The following KLF12 variants were observed in gnomAD, a reference collection of about 807,000 sequenced individuals.
KLF12 encodes KLF transcription factor 12.
KLF12 carries 9 observed loss-of-function variants against 37.8 expected under a neutral mutation model. That is an observed-to-expected ratio of 0.24 (90% CI 0.14 to 0.42). The LOEUF (loss-of-function observed/expected upper bound fraction) is 0.42, where lower values mean the gene tolerates loss of function less well. Ranked by LOEUF, KLF12 falls within the 10% of genes least tolerant of loss-of-function variation. The probability of loss-of-function intolerance (pLI) is 1.00; values close to 1 mark genes in which losing one functional copy is unlikely to be tolerated. For synonymous variants in KLF12, 208 were observed against 202.1 expected, an observed-to-expected ratio of 1.03 and a Z score of -0.25; for missense variants, 411 against 516.0, an observed-to-expected ratio of 0.80 and a Z score of 1.97.
At position 73,688,627 on chromosome 13, in the gene KLF12, C is replaced by A. The variant is rs957018167; in HGVS notation, c.*6863G>T. ...ACATTTATGAGAAAAGTGACAAGTT[C>A]GGGGAGACAACTGGTTGCTATTGTT... On this transcript the variant is annotated 3_prime_UTR_variant, in exon 8 of 8. Coordinates refer to ENST00000377669, the MANE Select transcript of KLF12 (RefSeq NM_007249.5). 1.3e-5 allele frequency: 2 copies of A among 152,128 alleles called. No individual in the cohort carries two copies. The highest frequency in any genetic ancestry group is 4.8e-5 in the African/African-American group (2 of 41,428). 9.4% of individuals were successfully genotyped at this position (152,128 alleles called of 1,614,324 possible).
chr13:74,179,866 A>T, the KLF12 span, among the ~76,000 whole-genome samples: 1 of 152,204 alleles, frequency 6.6e-6, no homozygotes, highest in Admixed American at 6.5e-5. Flanking sequence ...CCCCCAATCG[A>T]CATCTGGTAA....
At chr13:73,874,313 A>C (rs1886603816) in intron 3 of KLF12, among the ~76,000 whole-genome samples, 1 of 152,218 alleles carries the variant, frequency 6.6e-6, no homozygotes, top group South Asian at 2.1e-4. Context: ...AGCTGGGCTG[A>C]GGTAGGGAAG....
At chr13:73,810,220 G>C (rs1269531229) in intron 5 of KLF12, among the ~76,000 whole-genome samples, 2 of 152,060 alleles carry the variant, frequency 1.3e-5, no homozygotes, top group Admixed American at 6.5e-5. Flanking sequence ...ACTCCAGCAT[G>C]GGTGACAGAG....
chr13:73,996,735 C>T (rs17218496), intron 1 of KLF12, among the ~76,000 whole-genome samples: 10,917 of 152,226 alleles, frequency 0.072, 515 homozygotes, highest in Non-Finnish European at 0.1. Flanking sequence ...GGAAAGGATG[C>T]CTCCTCTGGA....
chr13:74,304,302 C>T, the KLF12 span, among the ~76,000 whole-genome samples: 1,824 of 152,254 alleles, frequency 0.012, 28 homozygotes, highest in African/African-American at 0.041. Flanking sequence ...TCATCAGTCA[C>T]TCTGAAGCGT....
At chr13:74,236,165 A>G in the KLF12 span, among the ~76,000 whole-genome samples, 1 of 145,258 alleles carries the variant, frequency 6.9e-6, no homozygotes, top group Non-Finnish European at 1.5e-5. Context: ...TCATTGTTCA[A>G]TTCCCACCTA....
the KLF12 span, among the ~76,000 whole-genome samples, chr13:74,220,707 T>G: frequency 1.3e-5 from 2 of 152,190 alleles, no homozygotes. Flanking sequence ...GCAACCACCA[T>G]TCTCCTCTCT....
chr13:74,229,977 T>C, the KLF12 span, among the ~76,000 whole-genome samples: 2 of 152,280 alleles, frequency 1.3e-5, no homozygotes, highest in Admixed American at 6.5e-5. Flanking sequence ...TGTGTGAAGA[T>C]GGGTAGATGA....
chr13:74,063,677 T>C (rs1254749615), intron 1 of KLF12, among the ~76,000 whole-genome samples: 4 of 152,210 alleles, frequency 2.6e-5, no homozygotes, highest in Non-Finnish European at 5.9e-5. Flanking sequence ...CAGCAAACTT[T>C]AGTGATTAAT....
chr13:74,105,295 T>C (rs1415636862), intron 1 of KLF12, among the ~76,000 whole-genome samples: 1 of 152,160 alleles, frequency 6.6e-6, no homozygotes, highest in African/African-American at 2.4e-5. Context: ...ATATATGAGT[T>C]TTATATCTTC....
intron 5 of KLF12, among the ~76,000 whole-genome samples, chr13:73,805,367 C>T (rs1251136613): frequency 6.6e-6 from 1 of 151,820 alleles, no homozygotes; most frequent in African/African-American, 2.4e-5. Context: ...TGCCTACAAT[C>T]CCAACATTTT....
intron 4 of KLF12, among the ~76,000 whole-genome samples, chr13:73,824,807 C>T (rs1001999397): frequency 2.6e-5 from 4 of 152,104 alleles, no homozygotes; most frequent in Non-Finnish European, 5.9e-5. Flanking sequence ...GTGGCTCACA[C>T]CTGTAATCCC....
intron 2 of KLF12, chr13:73,960,277 CTT>C (rs1890980116): frequency 9.0e-6 from 2 of 223,070 alleles, no homozygotes; most frequent in African/African-American, 4.6e-5. Flanking sequence ...GTTCCTATAA[CTT>C]TAAAAATAAT....
chr13:74,154,854 C>T, the KLF12 span, among the ~76,000 whole-genome samples: 23 of 152,158 alleles, frequency 1.5e-4, no homozygotes, highest in African/African-American at 5.1e-4. Flanking sequence ...ATGGGTTCTC[C>T]GTATAGCTTG....
intron 4 of KLF12, among the ~76,000 whole-genome samples, chr13:73,841,155 C>T (rs1023179891): frequency 6.6e-6 from 1 of 152,098 alleles, no homozygotes; most frequent in Non-Finnish European, 1.5e-5. Flanking sequence ...TTTTGGGACA[C>T]CAATTCCTAG....
intron 4 of KLF12, 108 bp from the exon 5 acceptor site, chr13:73,813,395 A>G (rs545866823): frequency 4.2e-4 from 507 of 1,199,758 alleles, no homozygotes; most frequent in Non-Finnish European, 5.6e-4. Flanking sequence ...TGCAAATGGA[A>G]TTCTCTAGAC....
At chr13:74,042,572 C>T (rs1893436020) in intron 1 of KLF12, among the ~76,000 whole-genome samples, 1 of 152,066 alleles carries the variant, frequency 6.6e-6, no homozygotes, top group Admixed American at 6.5e-5. Flanking sequence ...TGTTGAAAAT[C>T]ACTGGAGTTA....
intron 3 of KLF12, among the ~76,000 whole-genome samples, chr13:73,929,170 C>T (rs1017594339): frequency 6.6e-6 from 1 of 152,132 alleles, no homozygotes; most frequent in African/African-American, 2.4e-5. Context: ...AGTGCAAATA[C>T]AAGAGAGATC....
intron 3 of KLF12, among the ~76,000 whole-genome samples, chr13:73,864,599 ATAT>A (rs1886085520): frequency 6.6e-6 from 1 of 152,142 alleles, no homozygotes; most frequent in African/African-American, 2.4e-5. Flanking sequence ...AGTAAGGAAA[ATAT>A]TATTGACTAT....
Sources: allele counts gnomAD v4.1 joint callset (sites outside exome capture counted in the v4.1 genomes callset), GRCh38; gene constraint gnomAD v4.1.1; transcripts MANE v1.5; gene names NCBI Gene and HGNC (gene_info 2026-07-23, HGNC 2026-07-21).